The following CSPG5 variants were observed in gnomAD, a reference collection of about 807,000 sequenced individuals.
The protein encoded by CSPG5 is acidic leucine-rich EGF-like domain-containing brain protein.
CSPG5 carries 25 observed loss-of-function variants against 39.8 expected under a neutral mutation model. The ratio of observed to expected loss-of-function variants is 0.63; its 90% CI spans 0.46 to 0.88. The LOEUF (loss-of-function observed/expected upper bound fraction) is 0.88. Among genes scored for constraint, CSPG5 ranks in the 40% least tolerant of loss-of-function variants. The probability of loss-of-function intolerance (pLI) is 0.00; values close to 1 mark genes in which losing one functional copy is unlikely to be tolerated. For missense variants in CSPG5, 627 were observed against 702.2 expected, an observed-to-expected ratio of 0.89 and a Z score of 1.21; for synonymous variants, 295 against 303.9, an observed-to-expected ratio of 0.97 and a Z score of 0.31.
chr3:47,568,546 C>T (rs770856749), intron 4 of CSPG5, among the ~76,000 whole-genome samples: 13 of 152,230 alleles, frequency 8.5e-5, no homozygotes, highest in African/African-American at 1.9e-4. Flanking sequence ...CCTCAAATAG[C>T]AGCAAGGACA....
chr3:47,576,908 A>G lies in CSPG5; in HGVS notation c.1118T>C (p.Val373Ala). 3 of 1,608,966 alleles carry G rather than the reference A, an allele frequency of 1.9e-6. No individual in the cohort carries two copies. Among genetic ancestry groups the G allele is most frequent in the Non-Finnish European group, 2.5e-6 (3 of 1,176,838 alleles). Residue 373 changes from valine (V) to alanine (A), a missense_variant, in exon 2 of 5, where the codon GTG (valine) becomes GCG (alanine). Val to Ala is a moderately conservative substitution (Grantham distance 64, BLOSUM62 0). Transcript: ENST00000264723. ...ACAGTAACTTGGGAAGAGGTCGCAC[A>G]CTGACCGGCAGGAGCCGTTATGCCG... Reference protein sequence around the residue: ...FVRHNGSCRSVCDLFPSYCHN... With the variant: ...FVRHNGSCRSACDLFPSYCHN...
In CSPG5 at chr3:47,578,091, CTA is replaced by C. The variant is rs2108211894; in HGVS notation, c.98-165_98-164del. 2 of 1,096,084 alleles carry C rather than the reference CTA, an allele frequency of 1.8e-6. No homozygotes were observed. Among genetic ancestry groups the C allele is most frequent in the South Asian group, 6.5e-5 (2 of 30,726 alleles). 67.9% of individuals were successfully genotyped at this position (1,096,084 alleles called of 1,614,324 possible). ...GTGTGACCCCAGCCACCCGGTACCT[CTA>C]AGCCCCGTCCCGGAGTCTGCCCCCA... On this transcript the variant is annotated intron_variant, in intron 1 of 4. Coordinates refer to ENST00000264723, the MANE Select transcript of CSPG5 (RefSeq NM_006574.4). The surrounding 1 kb of genome is among the most constrained non-coding windows in gnomAD (Gnocchi z 6.0).
At chr3:47,575,382 G>T (rs1345475457) in intron 2 of CSPG5, among the ~76,000 whole-genome samples, 2 of 152,194 alleles carry the variant, frequency 1.3e-5, no homozygotes, top group Non-Finnish European at 2.9e-5. Flanking sequence ...ATGGAGACAA[G>T]CAAACCACCT....
At chr3:47,565,446 T>C (rs2031256033) in intron 4 of CSPG5, among the ~76,000 whole-genome samples, 1 of 152,154 alleles carries the variant, frequency 6.6e-6, no homozygotes, top group South Asian at 2.1e-4. Flanking sequence ...TTTGACTTAA[T>C]AGAAGTACCT....
Position 47,578,205 on chromosome 3 carries a change from C to A in CSPG5, c.98-277G>T. 2.5e-6 allele frequency: 1 copy of A among 398,864 alleles called. No individual in the cohort carries two copies. Among genetic ancestry groups the A allele is most frequent in the South Asian group, 1.1e-4 (1 of 8,896 alleles). 24.7% of individuals were successfully genotyped at this position (398,864 alleles called of 1,614,324 possible). On this transcript the variant is annotated intron_variant, in intron 1 of 4. Coordinates refer to ENST00000264723, the MANE Select transcript of CSPG5 (RefSeq NM_006574.4). This position sits in a 1 kb window ranked among gnomAD's most constrained non-coding sequence, Gnocchi z 6.0. Reference sequence around the variant, plus strand: ...TCTGAAGAGCCAGGCCAGGGCGGCCCCCAGCTCGGCCCACCCATAAGTCTC... The same window carrying A: ...TCTGAAGAGCCAGGCCAGGGCGGCCACCAGCTCGGCCCACCCATAAGTCTC...
Position 47,577,842 on chromosome 3 carries a change from C to T in CSPG5, c.184G>A (p.Glu62Lys). The T allele has an allele frequency of 6.4e-7, 1 of 1,556,476 alleles. No individual in the cohort carries two copies. Among genetic ancestry groups the T allele is most frequent in the South Asian group, 1.2e-5 (1 of 85,312 alleles). Reference sequence around the variant, plus strand: ...TCCCCAGCCGCTGGTGGGCCGGCTTCTTCCCGCGTGTCGTTGGCAGGCGGC... The same window carrying T: ...TCCCCAGCCGCTGGTGGGCCGGCTTTTTCCCGCGTGTCGTTGGCAGGCGGC... ...WEPPANDTRE[E>K]AGPPAAGEDE... Residue 62 changes from glutamate (E) to lysine (K), a missense_variant, in exon 2 of 5, where the codon GAA (glutamate) becomes AAA (lysine). Transcript: ENST00000264723. This position sits in a 1 kb window ranked among gnomAD's most constrained non-coding sequence, Gnocchi z 4.7.
chr3:47,572,552 A>C lies in CSPG5; in HGVS notation c.1382+134T>G. On this transcript the variant is annotated intron_variant, in intron 3 of 4. Coordinates refer to ENST00000264723, the MANE Select transcript of CSPG5 (RefSeq NM_006574.4). This position sits in a 1 kb window ranked among gnomAD's most constrained non-coding sequence, Gnocchi z 4.5. ...GCCTGAGTGAATTTTTAGCACAGACAAAACAGCTGGGAATGGAGCACAGGT... is the reference window on the plus strand; with the variant it reads ...GCCTGAGTGAATTTTTAGCACAGACCAAACAGCTGGGAATGGAGCACAGGT... 1 of 762,162 alleles carries C rather than the reference A, an allele frequency of 1.3e-6. No homozygotes were observed. Among genetic ancestry groups the C allele is most frequent in the Non-Finnish European group, 2.2e-6 (1 of 454,446 alleles). The allele number at this position is 762,162 out of a possible 1,614,324, so 47.2% of individuals were successfully genotyped here.
intron 2 of CSPG5, among the ~76,000 whole-genome samples, chr3:47,574,763 T>C (rs1177421870): frequency 6.6e-6 from 1 of 151,808 alleles, no homozygotes; most frequent in East Asian, 2.0e-4. Flanking sequence ...CACAGTGAAA[T>C]CCCGTCTTTA....
rs530643350 is a variant in CSPG5, at chr3:47,572,934, G to C, written c.1194-60C>G. 6.7e-7 allele frequency: 1 copy of C among 1,487,408 alleles called. No homozygotes were observed. Among genetic ancestry groups the C allele is most frequent in the Non-Finnish European group, 9.2e-7 (1 of 1,090,200 alleles). The allele number at this position is 1,487,408 out of a possible 1,614,324, so 92.1% of individuals were successfully genotyped here. A position where few individuals can be genotyped will look rare whatever the true frequency, so the allele number is the denominator to read the frequency against. ...AGCAGGCAGCCACGGCCACAGTAAG[G>C]GCCTGGGCCCTGACCCCAACACCTA... is the stretch of plus-strand genomic sequence containing the variant. On this transcript the variant is annotated intron_variant, in intron 2 of 4. Transcript: ENST00000264723. The surrounding 1 kb of genome is among the most constrained non-coding windows in gnomAD (Gnocchi z 4.5).
chr3:47,563,550 G>T (rs2031175034), intron 4 of CSPG5, among the ~76,000 whole-genome samples: 1 of 152,068 alleles, frequency 6.6e-6, no homozygotes, highest in Non-Finnish European at 1.5e-5. Context: ...TGTATTTATT[G>T]ATGTATTTAT....
rs139761370 is a variant in CSPG5 at position 47,577,431 on chromosome 3, G to C, written c.595C>G (p.Leu199Val). The C allele has an allele frequency of 3.6e-5, 58 of 1,614,056 alleles. No individual in the cohort carries two copies. The African/African-American group carries it at 7.2e-4, about 20-fold the overall frequency. Residue 199 changes from leucine (L) to valine (V), a missense_variant, in exon 2 of 5, where the codon CTG becomes GTG. Transcript: ENST00000264723. This position sits in a 1 kb window ranked among gnomAD's most constrained non-coding sequence, Gnocchi z 4.7. ...ATATCTGATGCCGGTTGGGGCTCCA[G>C]GGTGCCCTGAAATGGGTAAGTCAGC... ...PELTYPFQGT[L>V]EPQPASDIID...
Position 47,578,328 on chromosome 3 carries a change from C to CCCCGGCCCCGG in CSPG5, c.97+268_97+269insCCGGGGCCGGG, listed in dbSNP as rs2031855632. On this transcript the variant is annotated intron_variant, in intron 1 of 4. Coordinates refer to ENST00000264723, the MANE Select transcript of CSPG5 (RefSeq NM_006574.4). The surrounding 1 kb of genome is among the most constrained non-coding windows in gnomAD (Gnocchi z 6.0). Reference sequence around the variant, plus strand: ...ACCCTCAGGCCCCGCCCCGGCCCCGCCCCGGCCCCGCCCCCGGCCCCGCCC... The same window carrying CCCCGGCCCCGG: ...ACCCTCAGGCCCCGCCCCGGCCCCGCCCCGGCCCCGGCCCGGCCCCGCCCCCGGCCCCGCCC... Among the ~76,000 whole-genome samples, 1 of 147,724 alleles carries CCCCGGCCCCGG rather than the reference C, an allele frequency of 6.8e-6. No individual in the cohort carries two copies. The highest frequency in any genetic ancestry group is 1.5e-5 in the Non-Finnish European group (1 of 66,338).
rs1007725832 is a variant in CSPG5, at chr3:47,562,370, A to G, written c.*230T>C. On this transcript the variant is annotated 3_prime_UTR_variant, in exon 5 of 5. Coordinates refer to ENST00000264723, the MANE Select transcript of CSPG5 (RefSeq NM_006574.4). ...GAAATCACAGCAGCAGAAGCAATGTACAGACAGCACAGAAAAAACAACCCA... is the reference window on the plus strand; with the variant it reads ...GAAATCACAGCAGCAGAAGCAATGTGCAGACAGCACAGAAAAAACAACCCA... The G allele has an allele frequency of 8.1e-5, 31 of 383,100 alleles. No homozygotes were observed. The highest frequency in any genetic ancestry group is 1.4e-4 in the Non-Finnish European group (30 of 217,236). The allele number at this position is 383,100 out of a possible 1,614,324, so 23.7% of individuals were successfully genotyped here. A position where few individuals can be genotyped will look rare whatever the true frequency, so the allele number is the denominator to read the frequency against.
At chr3:47,576,177 T>C (rs2031721516) in intron 2 of CSPG5, among the ~76,000 whole-genome samples, 1 of 151,956 alleles carries the variant, frequency 6.6e-6, no homozygotes, top group African/African-American at 2.4e-5. Context: ...CCTCAGGTGA[T>C]GTGCCCACCT....
Position 47,577,864 on chromosome 3 carries a change from C to T in CSPG5, c.162G>A (p.Pro54=), listed in dbSNP as rs1444795831. ...CTTCTTCCCGCGTGTCGTTGGCAGG[C>T]GGCTCCCACGCCGGGCTGCCCTTCA... is the stretch of plus-strand genomic sequence containing the variant. ...ELVKGSPAWE[P]PANDTREEAG... Residue 54 remains proline (P), a synonymous_variant, in exon 2 of 5, where the codon CCG becomes CCA. Coordinates refer to ENST00000264723, the MANE Select transcript of CSPG5 (RefSeq NM_006574.4). This position sits in a 1 kb window ranked among gnomAD's most constrained non-coding sequence, Gnocchi z 4.7. The T allele has an allele frequency of 2.6e-6, 4 of 1,528,736 alleles. No homozygotes were observed. In the African/African-American group the frequency reaches 4.2e-5, roughly 16 times the overall value. The allele number at this position is 1,528,736 out of a possible 1,614,324, so 94.7% of individuals were successfully genotyped here.
At chr3:47,568,338 G>C (rs930231087) in intron 4 of CSPG5, among the ~76,000 whole-genome samples, 7 of 152,174 alleles carry the variant, frequency 4.6e-5, no homozygotes, top group Non-Finnish European at 8.8e-5. Flanking sequence ...TATTTGACTG[G>C]TCAGTCTAAT....
Position 47,572,552 on chromosome 3 carries a change from A to G in CSPG5, c.1382+134T>C, listed in dbSNP as rs1559612927. 2 of 762,042 alleles carry G rather than the reference A, an allele frequency of 2.6e-6. No individual in the cohort carries two copies. The highest frequency in any genetic ancestry group is 1.7e-5 in the African/African-American group (1 of 57,436). The allele number at this position is 762,042 out of a possible 1,614,324, so 47.2% of individuals were successfully genotyped here. ...GCCTGAGTGAATTTTTAGCACAGAC[A>G]AAACAGCTGGGAATGGAGCACAGGT... On this transcript the variant is annotated intron_variant, in intron 3 of 4. Transcript: ENST00000264723. The surrounding 1 kb of genome is among the most constrained non-coding windows in gnomAD (Gnocchi z 4.5).
In CSPG5 at chr3:47,578,710, C is replaced by A. The variant is rs1324839917; in HGVS notation, c.-17G>T. ...TCGCCCCATGGCGCGGCGCCCCGAC[C>A]GCTGTCCGCGGTCCGCCCGGCTGGC... On this transcript the variant is annotated 5_prime_UTR_variant, in exon 1 of 5. Coordinates refer to ENST00000264723, the MANE Select transcript of CSPG5 (RefSeq NM_006574.4). This position sits in a 1 kb window ranked among gnomAD's most constrained non-coding sequence, Gnocchi z 6.0. 5 of 800,404 alleles carry A rather than the reference C, an allele frequency of 6.2e-6. No homozygotes were observed. Among genetic ancestry groups the A allele is most frequent in the Middle Eastern group, 5.7e-4 (1 of 1,750 alleles). 49.6% of individuals were successfully genotyped at this position (800,404 alleles called of 1,614,324 possible). A position where few individuals can be genotyped will look rare whatever the true frequency, so the allele number is the denominator to read the frequency against.
intron 4 of CSPG5, among the ~76,000 whole-genome samples, chr3:47,568,010 G>A (rs2031379494): frequency 1.3e-5 from 2 of 152,210 alleles, no homozygotes; most frequent in Admixed American, 1.3e-4. Context: ...GGCTGTTGTA[G>A]TAGACAGAGC....
Sources: allele counts gnomAD v4.1 joint callset (sites outside exome capture counted in the v4.1 genomes callset), GRCh38; gene constraint gnomAD v4.1.1; non-coding constraint Gnocchi (gnomAD v3.1); transcripts MANE v1.5; gene names NCBI Gene and HGNC (gene_info 2026-07-23, HGNC 2026-07-21).